TNFRSF21: variants seen among roughly 807,000 people sequenced by gnomAD.
TNFRSF21 encodes TNF receptor superfamily member 21.
In TNFRSF21, 19 loss-of-function variants were observed where a neutral mutation model predicts 45.6. The ratio of observed to expected loss-of-function variants is 0.42; its 90% CI spans 0.29 to 0.61. The LOEUF is 0.61. TNFRSF21 is among the 20% of genes least tolerant of loss of function. The pLI, the probability that TNFRSF21 is intolerant of heterozygous loss-of-function variation, is 0.23. For missense variants in TNFRSF21, 737 were observed against 851.5 expected (o/e 0.87, Z 1.67); for synonymous variants, 314 against 335.5 (o/e 0.94, Z 0.70).
chr6:47,274,666 C>T (rs148740294), intron 3 of TNFRSF21, among the ~76,000 whole-genome samples: 3,208 of 152,224 alleles, frequency 0.021, 132 homozygotes, highest in African/African-American at 0.074. Context: ...AGAGCTTCTG[C>T]ACAGCAAAAG....
chr6:47,234,838 G>A lies in TNFRSF21; in HGVS notation c.1570C>T (p.Pro524Ser), dbSNP rs1306380938. The change falls in exon 5 of 6, where the codon CCC (proline) becomes TCC (serine). Residue 524 changes from proline (P) to serine (S), a missense_variant. By Grantham distance (74) the Pro-to-Ser change is moderately conservative. Coordinates refer to ENST00000296861, the MANE Select transcript of TNFRSF21 (RefSeq NM_014452.5). ...SPSPLSPSPI[P>S]SPNAKLENSA... Reference sequence around the variant, plus strand: ...TTCTCAAGTTTCGCGTTGGGGCTGGGGATGGGGCTCGGGCTAAGCGGGCTG... The same window carrying A: ...TTCTCAAGTTTCGCGTTGGGGCTGGAGATGGGGCTCGGGCTAAGCGGGCTG... 6.5e-7 allele frequency: 1 copy of A among 1,531,890 alleles called. No homozygotes were observed. The highest frequency in any genetic ancestry group is 8.8e-7 in the Non-Finnish European group (1 of 1,142,672). 94.9% of individuals were successfully genotyped at this position (1,531,890 alleles called of 1,614,324 possible).
rs1353189174 is a variant in TNFRSF21 at position 47,284,048 on chromosome 6, T to C, written c.1133A>G (p.Lys378Arg). 6.2e-7 allele frequency: 1 copy of C among 1,614,200 alleles called. No homozygotes were observed. The highest frequency in any genetic ancestry group is 8.5e-7 in the Non-Finnish European group (1 of 1,180,030). The change falls in exon 3 of 6, where the codon AAA becomes AGA. Residue 378 changes from lysine (K) to arginine (R), a missense_variant. By Grantham distance (26) the Lys-to-Arg change is conservative. Coordinates refer to ENST00000296861, the MANE Select transcript of TNFRSF21 (RefSeq NM_014452.5). ...ACTGGGATCCTGCCGGGGCCCCTTT[T>C]TCAGAGTCCTCGAGCTTTTCCGGAT... ...CSIRKSSRTL[K>R]KGPRQDPSAI...
Position 47,255,896 on chromosome 6 carries a change from G to C in TNFRSF21, c.1244-2375C>G, listed in dbSNP as rs527729182. On this transcript the variant is annotated intron_variant, in intron 3 of 5. Transcript: ENST00000296861. ...ACATTCCCAAGTGAGGCTTAGGAGA[G>C]AAAGGAAAAGAGAAGAATAAAGAGG... 3.3e-5 allele frequency among the ~76,000 whole-genome samples: 5 copies of C among 152,124 alleles called. No individual in the cohort carries two copies. In the South Asian group the frequency reaches 1.0e-3, roughly 32 times the overall value.
intron 3 of TNFRSF21, among the ~76,000 whole-genome samples, chr6:47,279,278 G>A (rs1409866750): frequency 6.6e-6 from 1 of 152,222 alleles, no homozygotes; most frequent in African/African-American, 2.4e-5. Flanking sequence ...AGGGAGGAAG[G>A]AGAGGAAGAA....
chr6:47,304,927 C>T (rs1216831379), intron 1 of TNFRSF21, among the ~76,000 whole-genome samples: 1 of 152,178 alleles, frequency 6.6e-6, no homozygotes, highest in Non-Finnish European at 1.5e-5. Context: ...TGGGGTCGGT[C>T]AGGACTCCTG....
At chr6:47,252,827 T>C (rs1378319387) in intron 4 of TNFRSF21, among the ~76,000 whole-genome samples, 1 of 152,232 alleles carries the variant, frequency 6.6e-6, no homozygotes, top group Non-Finnish European at 1.5e-5. Flanking sequence ...GAGGCAAGAA[T>C]GCTGCCTTCA....
chr6:47,262,245 A>G (rs1050018520), intron 3 of TNFRSF21, among the ~76,000 whole-genome samples: 5 of 152,222 alleles, frequency 3.3e-5, no homozygotes, highest in Non-Finnish European at 7.3e-5. Flanking sequence ...TTCCAAATGG[A>G]AGAAATATCA....
intron 3 of TNFRSF21, among the ~76,000 whole-genome samples, chr6:47,272,731 G>T (rs962540242): frequency 6.6e-6 from 1 of 152,116 alleles, no homozygotes; most frequent in Non-Finnish European, 1.5e-5. Flanking sequence ...CCAGGAGCTG[G>T]TTTTTTGAGA....
At chr6:47,256,350 C>A (rs1431439639) in intron 3 of TNFRSF21, among the ~76,000 whole-genome samples, 1 of 152,136 alleles carries the variant, frequency 6.6e-6, no homozygotes, top group African/African-American at 2.4e-5. Context: ...ATGGTGAAAA[C>A]CCATTTCTAC....
rs1368656189 is a variant in TNFRSF21, at chr6:47,289,931, T to A, written c.97-3336A>T. ...ATTGCTTGAGCCTGGGAGGCGGAGG[T>A]TGCAGTGAGCCGAGATTGCGCCACT... On this transcript the variant is annotated intron_variant, in intron 1 of 5. Coordinates refer to ENST00000296861, the MANE Select transcript of TNFRSF21 (RefSeq NM_014452.5). 2.6e-5 allele frequency among the ~76,000 whole-genome samples: 4 copies of A among 151,902 alleles called. No homozygotes were observed. The South Asian group carries it at 8.3e-4, about 32-fold the overall frequency.
At chr6:47,277,272 G>T (rs751211120) in intron 3 of TNFRSF21, among the ~76,000 whole-genome samples, 1 of 152,242 alleles carries the variant, frequency 6.6e-6, no homozygotes, top group African/African-American at 2.4e-5. Flanking sequence ...GATTACAGGC[G>T]TGAGCCACTG....
At chr6:47,306,586 T>C (rs1381599146) in intron 1 of TNFRSF21, among the ~76,000 whole-genome samples, 2 of 152,232 alleles carry the variant, frequency 1.3e-5, no homozygotes, top group Non-Finnish European at 1.5e-5. Context: ...GCACCTGGCA[T>C]GTAGCAATTG....
chr6:47,261,559 G>A (rs138215528), intron 3 of TNFRSF21, among the ~76,000 whole-genome samples: 20 of 152,294 alleles, frequency 1.3e-4, no homozygotes, highest in Middle Eastern at 3.4e-3. Context: ...CTATAATAAT[G>A]AGAAGAAAGG....
In TNFRSF21 at chr6:47,284,341, G is replaced by T; in HGVS notation, c.840C>A (p.Ser280Arg). Residue 280 changes from serine to arginine, a missense_variant, in exon 3 of 6, where the codon AGC (serine) becomes AGA (arginine). Transcript: ENST00000296861. Reference sequence around the variant, plus strand: ...TCACGTCTTCCTTCCCCCTTGCTGAGCTTGTGTTGTCAGGGACTGTCCCTT... The same window carrying T: ...TCACGTCTTCCTTCCCCCTTGCTGATCTTGTGTTGTCAGGGACTGTCCCTT... ...IQEGTVPDNT[S>R]SARGKEDVNK... 1 of 1,588,126 alleles carries T rather than the reference G, an allele frequency of 6.3e-7. No homozygotes were observed. The highest frequency in any genetic ancestry group is 8.6e-7 in the Non-Finnish European group (1 of 1,168,240).
Position 47,232,855 on chromosome 6 carries a change from G to A in TNFRSF21, c.1878C>T (p.Asp626=), listed in dbSNP as rs774042998. Reference sequence around the variant, plus strand: ...TGACTCCAATAATTTCGAATAGCCGGTCTAGTTTGTCCTCAGCCTGGGGAA... The same window carrying A: ...TGACTCCAATAATTTCGAATAGCCGATCTAGTTTGTCCTCAGCCTGGGGAA... The part of the protein sequence containing the change: ...EEIPQAEDKL[D]RLFEIIGVKS... The change falls in exon 6 of 6, where the codon GAC becomes GAT. Residue 626 remains aspartate (D), a synonymous_variant. Coordinates refer to ENST00000296861, the MANE Select transcript of TNFRSF21 (RefSeq NM_014452.5). 1 of 1,614,138 alleles carries A rather than the reference G, an allele frequency of 6.2e-7. No individual in the cohort carries two copies. Among genetic ancestry groups the A allele is most frequent in the South Asian group, 1.1e-5 (1 of 91,082 alleles).
chr6:47,309,560 G>T lies in TNFRSF21; in HGVS notation c.-49C>A. 7.2e-7 allele frequency: 1 copy of T among 1,391,756 alleles called. No individual in the cohort carries two copies. Among genetic ancestry groups the T allele is most frequent in the South Asian group, 1.6e-5 (1 of 61,452 alleles). The allele number at this position is 1,391,756 out of a possible 1,614,324, so 86.2% of individuals were successfully genotyped here. On this transcript the variant is annotated 5_prime_UTR_variant, in exon 1 of 6. Transcript: ENST00000296861. The stretch of plus-strand genomic sequence containing the variant: ...GCGCCCGGGGCGCGCGGGGCAGCTG[G>T]AATCGGCGGCTGCTTCTGCCCAGCG...
At chr6:47,260,058 A>C (rs778940789) in intron 3 of TNFRSF21, among the ~76,000 whole-genome samples, 1 of 152,186 alleles carries the variant, frequency 6.6e-6, no homozygotes. Context: ...TATCAGTACA[A>C]TTCGGCTCTG....
chr6:47,240,342 A>G (rs1764727623), intron 4 of TNFRSF21, among the ~76,000 whole-genome samples: 1 of 152,240 alleles, frequency 6.6e-6, no homozygotes, highest in Non-Finnish European at 1.5e-5. Flanking sequence ...ACTGAAACTT[A>G]CTGCTTTTCC....
chr6:47,307,166 G>A (rs1435805717), intron 1 of TNFRSF21, among the ~76,000 whole-genome samples: 1 of 152,024 alleles, frequency 6.6e-6, no homozygotes, highest in Non-Finnish European at 1.5e-5. Context: ...CAGGATGAAG[G>A]GCTGAACCTC....
Sources: allele counts gnomAD v4.1 joint callset (sites outside exome capture counted in the v4.1 genomes callset), GRCh38; gene constraint gnomAD v4.1.1; transcripts MANE v1.5; gene names NCBI Gene and HGNC (gene_info 2026-07-23, HGNC 2026-07-21).